The following PDE4D variants were observed in gnomAD, a reference collection of about 807,000 sequenced individuals.
PDE4D encodes 3',5'-cyclic-AMP phosphodiesterase 4D.
A neutral mutation model predicts 87.4 loss-of-function variants in PDE4D; 24 were observed. The ratio of observed to expected loss-of-function variants is 0.27; its 90% CI spans 0.20 to 0.39. PDE4D has a LOEUF of 0.39. Ranked by LOEUF, PDE4D falls within the 10% of genes least tolerant of loss-of-function variation. The pLI is 1.00. For synonymous variants in PDE4D, 384 were observed against 383.2 expected, an observed-to-expected ratio of 1.00 and a Z score of -0.02; for missense variants, 714 against 1,041.0, an observed-to-expected ratio of 0.69 and a Z score of 4.32.
intron 1 of PDE4D, among the ~76,000 whole-genome samples, chr5:59,234,666 T>G (rs1352094754): frequency 6.6e-6 from 1 of 152,186 alleles, no homozygotes; most frequent in Non-Finnish European, 1.5e-5. Flanking sequence ...ATGTTAAATG[T>G]AGTTACTTTT....
At chr5:59,875,460 C>CAAAAAAAAAAAAAAAA (rs3062667) in intron 1 of PDE4D, among the ~76,000 whole-genome samples, 13 of 39,696 alleles carry the variant, frequency 3.3e-4, no homozygotes, top group African/African-American at 1.3e-3. Context: ...ACCTCCGTCT[C>CAAAAAAAAAAAAAAAA]AAAAAAAAAA....
In PDE4D at chr5:58,983,445, G is replaced by A. The variant is rs117931869; in HGVS notation, c.1552+5048C>T. 2.5e-3 allele frequency among the ~76,000 whole-genome samples: 383 copies of A among 152,298 alleles called. 16 individuals are homozygous for A. In the East Asian group the frequency reaches 0.064, roughly 25 times the overall value. On this transcript the variant is annotated intron_variant, in intron 11 of 14. Transcript: ENST00000340635. ...GTACATGCCCAACATATGGCTTGGC[G>A]CGTTAGATAATACCCTATTAATGAT...
At chr5:60,119,162 G>A (rs1444040560) in intron 2 of PDE4D, among the ~76,000 whole-genome samples, 2 of 152,122 alleles carry the variant, frequency 1.3e-5, no homozygotes, top group African/African-American at 4.8e-5. Context: ...CATCATTTTA[G>A]CCTTATCACC....
chr5:60,481,885 T>A (rs1366275991), intron 1 of PDE4D, among the ~76,000 whole-genome samples: 1 of 152,188 alleles, frequency 6.6e-6, no homozygotes, highest in African/African-American at 2.4e-5. Flanking sequence ...TTTTCCTAAT[T>A]TCTTCCAGAT....
At chr5:59,520,848 T>A (rs1812078476) in intron 1 of PDE4D, among the ~76,000 whole-genome samples, 1 of 151,720 alleles carries the variant, frequency 6.6e-6, no homozygotes, top group Non-Finnish European at 1.5e-5. Flanking sequence ...ACTAATGGAA[T>A]ATGTATATGC....
intron 3 of PDE4D, among the ~76,000 whole-genome samples, chr5:59,974,444 A>C (rs1025743376): frequency 6.6e-6 from 1 of 152,168 alleles, no homozygotes; most frequent in Non-Finnish European, 1.5e-5. Flanking sequence ...TACTCCAGAG[A>C]CTGTAATAAA....
At chr5:59,488,193 T>C (rs1805512435) in intron 1 of PDE4D, among the ~76,000 whole-genome samples, 2 of 150,948 alleles carry the variant, frequency 1.3e-5, no homozygotes, top group South Asian at 4.2e-4. Context: ...AAAAAATGTG[T>C]AACTGTTGAA....
At chr5:60,497,377 A>AT (rs1159322745) in intron 1 of PDE4D, among the ~76,000 whole-genome samples, 6 of 151,916 alleles carry the variant, frequency 3.9e-5, no homozygotes, top group Non-Finnish European at 8.8e-5. Context: ...GCCGCTTGCA[A>AT]TTCTTTTTTG....
At chr5:60,080,800 T>C (rs1008815079) in intron 2 of PDE4D, among the ~76,000 whole-genome samples, 1 of 152,234 alleles carries the variant, frequency 6.6e-6, no homozygotes, top group African/African-American at 2.4e-5. Context: ...TATGAGGATT[T>C]TCGCATGGAT....
chr5:59,471,414 T>C (rs1802426651), intron 1 of PDE4D, among the ~76,000 whole-genome samples: 1 of 152,228 alleles, frequency 6.6e-6, no homozygotes, highest in Non-Finnish European at 1.5e-5. Context: ...ACAGTGCTGG[T>C]CAGGAGCTAG....
intron 1 of PDE4D, among the ~76,000 whole-genome samples, chr5:60,452,487 C>T (rs1486581357): frequency 6.6e-6 from 1 of 152,030 alleles, no homozygotes; most frequent in Non-Finnish European, 1.5e-5. Context: ...CTTCATTCAC[C>T]GATTCCACAA....
At chr5:59,112,933 T>C (rs1772933463) in intron 5 of PDE4D, among the ~76,000 whole-genome samples, 1 of 152,056 alleles carries the variant, frequency 6.6e-6, no homozygotes, top group South Asian at 2.1e-4. Flanking sequence ...CCTGAGTAGC[T>C]GGGATTACAG....
chr5:59,286,563 G>T (rs955195054), intron 1 of PDE4D, among the ~76,000 whole-genome samples: 33 of 152,066 alleles, frequency 2.2e-4, no homozygotes, highest in African/African-American at 8.0e-4. Flanking sequence ...GTTTTTTTGT[G>T]CACATGACAT....
intron 1 of PDE4D, among the ~76,000 whole-genome samples, chr5:60,268,889 G>A (rs1475742465): frequency 2.0e-5 from 3 of 152,136 alleles, no homozygotes; most frequent in African/African-American, 7.2e-5. Context: ...ATTAGAGGAA[G>A]TTTTTCTGAT....
Position 60,008,618 on chromosome 5 carries a change from A to T in PDE4D, c.43-19901T>A, listed in dbSNP as rs567155272. Among the ~76,000 whole-genome samples, 3 of 152,076 alleles carry T rather than the reference A, an allele frequency of 2.0e-5. No homozygotes were observed. The East Asian group carries it at 5.8e-4, about 29-fold the overall frequency. ...TCATAGCTCTAGCTATGGGAGAAGC[A>T]ACATAAATTTACAGCCAAATCATTA... On this transcript the variant is annotated intron_variant, in intron 2 of 16. Coordinates refer to the PDE4D transcript ENST00000502484.
intron 5 of PDE4D, among the ~76,000 whole-genome samples, chr5:59,126,778 A>C (rs1775464483): frequency 6.6e-6 from 1 of 152,208 alleles, no homozygotes; most frequent in African/African-American, 2.4e-5. Context: ...TGGATATTAA[A>C]ATCAGATCAG....
rs184409337 is a variant in PDE4D at position 59,137,627 on chromosome 5, C to T, written c.808+42968G>A. 2.4e-3 allele frequency among the ~76,000 whole-genome samples: 362 copies of T among 151,636 alleles called. 9 individuals are homozygous for T. The East Asian group carries it at 0.063, about 26-fold the overall frequency. ...CTGCAAGCTCCGCCTCCCGGGTTCA[C>T]GCCATTCTCCTGCCTCAGCCTCCCT... On this transcript the variant is annotated intron_variant, in intron 5 of 14. Transcript: ENST00000340635.
intron 5 of PDE4D, among the ~76,000 whole-genome samples, chr5:59,139,221 T>A (rs76153967): frequency 0.039 from 5,925 of 152,232 alleles, 349 homozygotes; most frequent in African/African-American, 0.12. Flanking sequence ...TTTACTGAGC[T>A]TTTATTTTGT....
intron 1 of PDE4D, among the ~76,000 whole-genome samples, chr5:59,690,524 A>G (rs1185054384): frequency 6.6e-6 from 1 of 152,222 alleles, no homozygotes; most frequent in African/African-American, 2.4e-5. Flanking sequence ...ACATGTAGAA[A>G]GCTGAAACTG....
Sources: allele counts gnomAD v4.1 joint callset (sites outside exome capture counted in the v4.1 genomes callset), GRCh38; gene constraint gnomAD v4.1.1; transcripts MANE v1.5; gene names NCBI Gene and HGNC (gene_info 2026-07-23, HGNC 2026-07-21).